The following PRR5L variants were observed in gnomAD, a reference collection of about 807,000 sequenced individuals.
The protein encoded by PRR5L is proline rich 5 like, also known as proline-rich protein 5-like.
Under a neutral mutation model 36.4 loss-of-function variants are expected in PRR5L, and 21 were observed. The ratio of observed to expected loss-of-function variants is 0.58; its 90% CI spans 0.41 to 0.83. The LOEUF (loss-of-function observed/expected upper bound fraction) is 0.83. Among genes scored for constraint, PRR5L ranks in the 40% least tolerant of loss-of-function variants. The pLI is 0.00. For missense variants in PRR5L, 381 were observed against 473.3 expected, an observed-to-expected ratio of 0.80 and a Z score of 1.81; for synonymous variants, 188 against 197.0, an observed-to-expected ratio of 0.95 and a Z score of 0.38.
At chr11:36,302,540 C>A (rs1245878135) in intron 1 of PRR5L, among the ~76,000 whole-genome samples, 3 of 151,956 alleles carry the variant, frequency 2.0e-5, no homozygotes, top group Non-Finnish European at 2.9e-5. Flanking sequence ...TATCCCAGCA[C>A]TTTGGGAGGC....
chr11:36,361,173 T>C (rs1857083856), intron 1 of PRR5L, among the ~76,000 whole-genome samples: 1 of 152,216 alleles, frequency 6.6e-6, no homozygotes, highest in Non-Finnish European at 1.5e-5. Flanking sequence ...TTTTCTACTC[T>C]GATTTTCACA....
intron 4 of PRR5L, among the ~76,000 whole-genome samples, chr11:36,422,557 A>G (rs1173252090): frequency 6.6e-6 from 1 of 152,082 alleles, no homozygotes; most frequent in Non-Finnish European, 1.5e-5. Flanking sequence ...TGAGCTTGCC[A>G]CTCATACAGC....
rs764996031 is a variant in PRR5L at position 36,463,755 on chromosome 11, G to A, written c.*1019G>A. On this transcript the variant is annotated 3_prime_UTR_variant, in exon 9 of 9. Coordinates refer to ENST00000530639, the MANE Select transcript of PRR5L (RefSeq NM_001160167.2). ...GCAGAGCTCCTGGGAAAAGAGACTG[G>A]AAGTGGTTCAGGATAAAGAGATCCA... 1 of 152,498 alleles carries A rather than the reference G, an allele frequency of 6.6e-6. No individual in the cohort carries two copies. The highest frequency in any genetic ancestry group is 1.5e-5 in the Non-Finnish European group (1 of 68,046). 9.4% of individuals were successfully genotyped at this position (152,498 alleles called of 1,614,324 possible).
At chr11:36,330,154 G>T (rs1008173264) in intron 1 of PRR5L, among the ~76,000 whole-genome samples, 1 of 152,166 alleles carries the variant, frequency 6.6e-6, no homozygotes, top group South Asian at 2.1e-4. Flanking sequence ...ATTCTGCAGG[G>T]CTTATAGAGA....
chr11:36,449,699 T>C (rs2133622593), intron 7 of PRR5L, among the ~76,000 whole-genome samples: 1 of 152,296 alleles, frequency 6.6e-6, no homozygotes, highest in African/African-American at 2.4e-5. Context: ...TAATGATTTT[T>C]GAACACGAGG....
intron 4 of PRR5L, among the ~76,000 whole-genome samples, chr11:36,428,435 G>A (rs1280166329): frequency 1.3e-5 from 2 of 152,236 alleles, no homozygotes; most frequent in Non-Finnish European, 2.9e-5. Flanking sequence ...CTCTAGAGAG[G>A]AGATTTGGGG....
At chr11:36,388,774 C>T (rs1857506182) in intron 1 of PRR5L, among the ~76,000 whole-genome samples, 1 of 148,196 alleles carries the variant, frequency 6.7e-6, no homozygotes, top group Non-Finnish European at 1.5e-5. Flanking sequence ...TCTCGGCTCA[C>T]TGCAAGCTCC....
intron 7 of PRR5L, among the ~76,000 whole-genome samples, chr11:36,448,510 C>T (rs144815699): frequency 1.8e-3 from 276 of 152,264 alleles, no homozygotes; most frequent in African/African-American, 6.3e-3. Flanking sequence ...TCCTCAAGCC[C>T]CTGTCTAATC....
intron 7 of PRR5L, among the ~76,000 whole-genome samples, chr11:36,449,728 C>T (rs564822954): frequency 7.2e-5 from 11 of 152,316 alleles, no homozygotes; most frequent in South Asian, 2.1e-4. Context: ...TTTCATTTTA[C>T]GCTGGACCAC....
chr11:36,385,544 C>T (rs944970503), intron 1 of PRR5L, among the ~76,000 whole-genome samples: 1 of 152,308 alleles, frequency 6.6e-6, no homozygotes, highest in Non-Finnish European at 1.5e-5. Context: ...GAGCGTGTAT[C>T]CTGTTTGCCC....
chr11:36,438,472 G>A (rs115769618), intron 6 of PRR5L, among the ~76,000 whole-genome samples: 1 of 152,296 alleles, frequency 6.6e-6, no homozygotes, highest in African/African-American at 2.4e-5. Flanking sequence ...AACCTGGGAG[G>A]TTATGCTTAT....
chr11:36,450,700 C>G (rs185299291), intron 7 of PRR5L, among the ~76,000 whole-genome samples: 1 of 152,214 alleles, frequency 6.6e-6, no homozygotes, highest in Non-Finnish European at 1.5e-5. Flanking sequence ...AGCCAGATAG[C>G]CTGGGTTCCA....
chr11:36,366,138 A>G (rs1857141747), intron 1 of PRR5L, among the ~76,000 whole-genome samples: 1 of 152,214 alleles, frequency 6.6e-6, no homozygotes, highest in Non-Finnish European at 1.5e-5. Flanking sequence ...ATAAAACTGT[A>G]TAATTTGTAG....
At chr11:36,360,482 C>T (rs1857075602) in intron 1 of PRR5L, among the ~76,000 whole-genome samples, 2 of 152,136 alleles carry the variant, frequency 1.3e-5, no homozygotes, top group East Asian at 1.9e-4. Flanking sequence ...AAACCCAAAA[C>T]AGGAAACCAT....
chr11:36,400,174 A>G (rs1354279365), intron 1 of PRR5L, among the ~76,000 whole-genome samples: 1 of 152,238 alleles, frequency 6.6e-6, no homozygotes, highest in Non-Finnish European at 1.5e-5. Context: ...AGTAGTTGGT[A>G]CGAGCAAAAG....
intron 1 of PRR5L, among the ~76,000 whole-genome samples, chr11:36,356,620 AT>A (rs1857030627): frequency 6.6e-6 from 1 of 152,058 alleles, no homozygotes; most frequent in Non-Finnish European, 1.5e-5. Context: ...TTCTCACAAT[AT>A]TGCCAACTTT....
At chr11:36,315,111 C>T (rs1184072011) in intron 1 of PRR5L, among the ~76,000 whole-genome samples, 1 of 152,140 alleles carries the variant, frequency 6.6e-6, no homozygotes, top group East Asian at 1.9e-4. Flanking sequence ...AAGGAGTGAA[C>T]AGGGCTATCT....
chr11:36,308,000 A>G (rs1275575714), intron 1 of PRR5L, among the ~76,000 whole-genome samples: 1 of 152,150 alleles, frequency 6.6e-6, no homozygotes, highest in Non-Finnish European at 1.5e-5. Flanking sequence ...TCACTTACCT[A>G]CTTGGGAACC....
intron 1 of PRR5L, among the ~76,000 whole-genome samples, chr11:36,354,489 A>G (rs368240087): frequency 2.0e-5 from 3 of 152,222 alleles, no homozygotes; most frequent in East Asian, 3.8e-4. Flanking sequence ...AAGTTTACTA[A>G]GCCTGTTATT....
Sources: gnomAD v4.1 joint callset for allele counts (sites outside exome capture counted in the v4.1 genomes callset) on GRCh38, gnomAD v4.1.1 for gene constraint, MANE v1.5 for transcripts, NCBI Gene and HGNC (gene_info 2026-07-23, HGNC 2026-07-21) for gene names.